Variants in NEBL observed in about 807,000 individuals in gnomAD.
NEBL encodes the protein LIM and SH3 protein 2.
In NEBL, 122 loss-of-function variants were observed where a neutral mutation model predicts 140.2. The ratio of observed to expected loss-of-function variants is 0.87; its 90% CI spans 0.75 to 1.01. The LOEUF is 1.01. Ranked by LOEUF, NEBL falls within the 50% of genes least tolerant of loss-of-function variation. NEBL has a pLI of 0.00. For missense variants in NEBL, 1,365 were observed against 1,231.3 expected (o/e 1.11, Z -1.62); for synonymous variants, 436 against 398.9 (o/e 1.09, Z -1.11).
chr10:21,146,166 T>C (rs1035300389), intron 2 of NEBL, among the ~76,000 whole-genome samples: 1 of 152,176 alleles, frequency 6.6e-6, no homozygotes, highest in Non-Finnish European at 1.5e-5. Context: ...AGAACAGGCC[T>C]GCGTCGCTGC....
At chr10:21,018,896 C>A (rs1838667033) in intron 3 of NEBL, among the ~76,000 whole-genome samples, 1 of 152,148 alleles carries the variant, frequency 6.6e-6, no homozygotes, top group Non-Finnish European at 1.5e-5. Flanking sequence ...GGTGTGGTAG[C>A]AGGCGCCTGT....
At chr10:21,022,705 A>G (rs1838846511) in intron 2 of NEBL, among the ~76,000 whole-genome samples, 1 of 152,360 alleles carries the variant, frequency 6.6e-6, no homozygotes, top group East Asian at 1.9e-4. Context: ...TTATCAGACC[A>G]TGATACAAAG....
chr10:21,195,573 G>T (rs1447962468), intron 3 of NEBL, among the ~76,000 whole-genome samples: 2 of 152,196 alleles, frequency 1.3e-5, no homozygotes, highest in Admixed American at 6.5e-5. Flanking sequence ...AATACTGGAT[G>T]TCAGCCATTT....
chr10:20,861,611 C>T (rs545697360), intron 7 of NEBL, among the ~76,000 whole-genome samples: 11 of 152,242 alleles, frequency 7.2e-5, no homozygotes, highest in Admixed American at 2.6e-4. Context: ...AACAGCCTTC[C>T]GCTGGAATGA....
chr10:20,970,939 C>T (rs572981520), intron 3 of NEBL, among the ~76,000 whole-genome samples: 56 of 152,200 alleles, frequency 3.7e-4, no homozygotes, highest in African/African-American at 1.3e-3. Flanking sequence ...TGTAAATAAG[C>T]AGAAGTGAAA....
At chr10:21,106,712 A>G (rs1350082150) in intron 2 of NEBL, among the ~76,000 whole-genome samples, 3 of 152,154 alleles carry the variant, frequency 2.0e-5, no homozygotes, top group Non-Finnish European at 4.4e-5. Flanking sequence ...GTTTTTTCCA[A>G]TTCTGTGAAG....
chr10:21,053,182 T>A (rs1234863344), intron 2 of NEBL, among the ~76,000 whole-genome samples: 2 of 152,076 alleles, frequency 1.3e-5, no homozygotes, highest in African/African-American at 4.8e-5. Flanking sequence ...AATAAAAAAA[T>A]TAAAAGAATT....
At chr10:21,103,598 T>C (rs764895809) in intron 2 of NEBL, among the ~76,000 whole-genome samples, 3 of 152,178 alleles carry the variant, frequency 2.0e-5, no homozygotes, top group Non-Finnish European at 2.9e-5. Flanking sequence ...TAATGACTAA[T>C]GATGTTGACA....
chr10:20,871,958 CA>C (rs1844981418), intron 5 of NEBL, among the ~76,000 whole-genome samples: 1 of 152,090 alleles, frequency 6.6e-6, no homozygotes, highest in South Asian at 2.1e-4. Flanking sequence ...CAGGTGAAAA[CA>C]AACCCAAATT....
chr10:20,860,561 C>CCAAA, intron 7 of NEBL, among the ~76,000 whole-genome samples: 1 of 61,938 alleles, frequency 1.6e-5, no homozygotes, highest in Non-Finnish European at 2.9e-5. Context: ...AAGTTCACTA[C>CCAAA]AAAAAGAAAA....
At chr10:20,940,733 A>G (rs1834807181) in intron 4 of NEBL, among the ~76,000 whole-genome samples, 1 of 151,210 alleles carries the variant, frequency 6.6e-6, no homozygotes, top group African/African-American at 2.4e-5. Context: ...AATAGACACA[A>G]TAAAAAATGA....
intron 2 of NEBL, among the ~76,000 whole-genome samples, chr10:21,121,064 C>T (rs1564518368): frequency 6.6e-6 from 1 of 152,112 alleles, no homozygotes; most frequent in Non-Finnish European, 1.5e-5. Flanking sequence ...GAACATTGGT[C>T]CTGACTGAAA....
upstream of NEBL, among the ~76,000 whole-genome samples, chr10:21,177,730 G>A (rs960491461): frequency 6.6e-6 from 1 of 151,972 alleles, no homozygotes; most frequent in Non-Finnish European, 1.5e-5. Flanking sequence ...GGGTTTCACT[G>A]CGTTAGCCAG....
intron 4 of NEBL, among the ~76,000 whole-genome samples, chr10:20,887,688 A>T (rs1174844068): frequency 1.3e-5 from 2 of 152,170 alleles, no homozygotes; most frequent in Non-Finnish European, 2.9e-5. Context: ...AAGTACTGGG[A>T]TTACAGGCCT....
intron 3 of NEBL, among the ~76,000 whole-genome samples, chr10:21,185,742 C>T (rs1841457057): frequency 6.6e-6 from 1 of 152,124 alleles, no homozygotes; most frequent in East Asian, 1.9e-4. Context: ...GTTGATCCAC[C>T]TCGCCTCAGC....
intron 2 of NEBL, among the ~76,000 whole-genome samples, chr10:21,093,388 C>T (rs1404026509): frequency 6.6e-6 from 1 of 152,100 alleles, no homozygotes; most frequent in African/African-American, 2.4e-5. Flanking sequence ...GGGAGACTGT[C>T]ATCTCTCTTG....
At chr10:20,962,733 T>C (rs769465891) in intron 3 of NEBL, among the ~76,000 whole-genome samples, 16 of 152,218 alleles carry the variant, frequency 1.1e-4, no homozygotes, top group Non-Finnish European at 1.6e-4. Flanking sequence ...TGATAATCCA[T>C]AGAATCCCCA....
chr10:21,121,647 A>G (rs1379095762), intron 2 of NEBL, among the ~76,000 whole-genome samples: 1 of 152,168 alleles, frequency 6.6e-6, no homozygotes, highest in East Asian at 1.9e-4. Context: ...GAGCAAATCC[A>G]ATCTCCTACC....
chr10:21,277,241 C>T (rs1381678223), intron 1 of NEBL, among the ~76,000 whole-genome samples: 1 of 147,578 alleles, frequency 6.8e-6, no homozygotes, highest in Admixed American at 6.8e-5. Context: ...CGGAGTCTCG[C>T]TCTGTCGCCC....
Sources: gnomAD v4.1 joint callset for allele counts (sites outside exome capture counted in the v4.1 genomes callset) on GRCh38, gnomAD v4.1.1 for gene constraint, MANE v1.5 for transcripts, NCBI Gene and HGNC (gene_info 2026-07-23, HGNC 2026-07-21) for gene names.